SGCZ: variants seen among roughly 807,000 people sequenced by gnomAD.
SGCZ encodes the protein sarcoglycan zeta, also known as zeta-sarcoglycan.
SGCZ carries 40 observed loss-of-function variants against 41.3 expected under a neutral mutation model. That is an observed-to-expected ratio of 0.97 (90% CI 0.75 to 1.26). The LOEUF is 1.26. Ranked by LOEUF, SGCZ falls within the 50% of genes most tolerant of loss-of-function variation. The probability of loss-of-function intolerance (pLI) is 0.00; values close to 1 mark genes in which losing one functional copy is unlikely to be tolerated. For missense variants in SGCZ, 552 were observed against 369.8 expected, an observed-to-expected ratio of 1.49 and a Z score of -4.04; for synonymous variants, 206 against 137.5, an observed-to-expected ratio of 1.50 and a Z score of -3.49.
chr8:14,393,191 G>T (rs1472691127), intron 2 of SGCZ, among the ~76,000 whole-genome samples: 1 of 152,174 alleles, frequency 6.6e-6, no homozygotes, highest in African/African-American at 2.4e-5. Flanking sequence ...GAGTTAAGAA[G>T]AAATCACTTT....
At chr8:14,437,239 G>T (rs188485568) in intron 2 of SGCZ, among the ~76,000 whole-genome samples, 2 of 152,122 alleles carry the variant, frequency 1.3e-5, no homozygotes, top group African/African-American at 4.8e-5. Flanking sequence ...CAGACCAACG[G>T]ATTTTAACGA....
intron 2 of SGCZ, among the ~76,000 whole-genome samples, chr8:14,485,315 C>T (rs900968060): frequency 7.9e-5 from 12 of 152,198 alleles, no homozygotes; most frequent in African/African-American, 2.4e-4. Flanking sequence ...TGGCTCACTG[C>T]AACCTTGGCC....
intron 1 of SGCZ, among the ~76,000 whole-genome samples, chr8:14,713,548 G>A (rs1349309378): frequency 1.3e-5 from 2 of 152,114 alleles, no homozygotes; most frequent in Admixed American, 1.3e-4. Context: ...AATGAGGGTT[G>A]AACTAATCTG....
At chr8:15,139,018 A>T (rs1276871924) in intron 1 of SGCZ, among the ~76,000 whole-genome samples, 3 of 152,192 alleles carry the variant, frequency 2.0e-5, no homozygotes, top group Non-Finnish European at 4.4e-5. Context: ...GGATTTAAGC[A>T]TGCCCTAAGT....
chr8:15,072,088 T>C (rs1805373165), intron 1 of SGCZ, among the ~76,000 whole-genome samples: 1 of 152,110 alleles, frequency 6.6e-6, no homozygotes, highest in African/African-American at 2.4e-5. Context: ...CTGTTCCTCC[T>C]TCCTCAACAA....
intron 1 of SGCZ, among the ~76,000 whole-genome samples, chr8:14,591,014 A>C (rs1563137181): frequency 6.7e-6 from 1 of 149,648 alleles, no homozygotes; most frequent in Non-Finnish European, 1.5e-5. Flanking sequence ...TTATGCCATC[A>C]TTTTTTTTTC....
At chr8:14,372,904 T>A (rs1204811921) in intron 2 of SGCZ, among the ~76,000 whole-genome samples, 3 of 152,188 alleles carry the variant, frequency 2.0e-5, no homozygotes, top group African/African-American at 7.2e-5. Flanking sequence ...AGGTTTTTAC[T>A]TTTATGCTAA....
intron 2 of SGCZ, among the ~76,000 whole-genome samples, chr8:14,521,234 G>A (rs570422991): frequency 2.0e-5 from 3 of 152,050 alleles, no homozygotes; most frequent in Non-Finnish European, 2.9e-5. Flanking sequence ...CATGATCCCT[G>A]ACAACCACTA....
At chr8:14,850,764 G>A (rs1050774430) in intron 1 of SGCZ, among the ~76,000 whole-genome samples, 6 of 152,064 alleles carry the variant, frequency 3.9e-5, no homozygotes, top group African/African-American at 9.7e-5. Flanking sequence ...TTTCCCCACC[G>A]CTGTTCTCAT....
chr8:14,678,866 T>G (rs1487691446), intron 1 of SGCZ, among the ~76,000 whole-genome samples: 1 of 152,154 alleles, frequency 6.6e-6, no homozygotes, highest in Non-Finnish European at 1.5e-5. Context: ...AAATAAAATA[T>G]CAAGCTATGA....
intron 1 of SGCZ, among the ~76,000 whole-genome samples, chr8:15,079,501 G>T (rs571054677): frequency 6.6e-6 from 1 of 152,046 alleles, no homozygotes; most frequent in Admixed American, 6.6e-5. Flanking sequence ...TCACCTGTAC[G>T]CTTAAGCAAA....
At chr8:15,121,051 C>A (rs531177901) in intron 1 of SGCZ, among the ~76,000 whole-genome samples, 2 of 152,078 alleles carry the variant, frequency 1.3e-5, no homozygotes, top group Non-Finnish European at 2.9e-5. Context: ...TTGAAATAAC[C>A]ACTTCTTCAT....
intron 1 of SGCZ, among the ~76,000 whole-genome samples, chr8:15,081,575 A>T (rs1054886141): frequency 7.9e-5 from 12 of 152,232 alleles, no homozygotes; most frequent in South Asian, 6.2e-4. Context: ...AACAGAAAAA[A>T]ATAGAGGTTT....
chr8:15,078,192 C>T (rs1805614338), intron 1 of SGCZ, among the ~76,000 whole-genome samples: 1 of 139,932 alleles, frequency 7.1e-6, no homozygotes, highest in East Asian at 2.2e-4. Context: ...ATGAATCCAC[C>T]CTCCTCACCT....
At chr8:15,045,762 G>A (rs1475025254) in intron 1 of SGCZ, among the ~76,000 whole-genome samples, 1 of 152,018 alleles carries the variant, frequency 6.6e-6, no homozygotes, top group Admixed American at 6.6e-5. Flanking sequence ...GATTGCAAGT[G>A]ACATTTGACA....
intron 2 of SGCZ, among the ~76,000 whole-genome samples, chr8:14,339,453 C>T (rs1002791457): frequency 1.3e-5 from 2 of 152,194 alleles, no homozygotes; most frequent in African/African-American, 4.8e-5. Flanking sequence ...TAAGTTATTG[C>T]AGGTAATGAC....
intron 1 of SGCZ, among the ~76,000 whole-genome samples, chr8:15,140,598 A>G (rs191010621): frequency 5.1e-4 from 77 of 152,256 alleles, no homozygotes; most frequent in African/African-American, 1.8e-3. Flanking sequence ...AAAATGACCC[A>G]TATTATTTAC....
At chr8:15,022,064 T>G (rs1273485082) in intron 1 of SGCZ, among the ~76,000 whole-genome samples, 1 of 152,218 alleles carries the variant, frequency 6.6e-6, no homozygotes, top group Non-Finnish European at 1.5e-5. Context: ...GTACTGCACA[T>G]GCAATCATAA....
At chr8:14,912,057 A>G (rs1234992455) in intron 1 of SGCZ, among the ~76,000 whole-genome samples, 1 of 144,434 alleles carries the variant, frequency 6.9e-6, no homozygotes, top group Non-Finnish European at 1.5e-5. Context: ...AGCTATTTGC[A>G]TCTATTTTAT....
Sources: allele counts gnomAD v4.1 joint callset (sites outside exome capture counted in the v4.1 genomes callset), GRCh38; gene constraint gnomAD v4.1.1; transcripts MANE v1.5; gene names NCBI Gene and HGNC (gene_info 2026-07-23, HGNC 2026-07-21).